RAB33A: variants seen among roughly 807,000 people sequenced by gnomAD.
The protein encoded by RAB33A is ras-related protein Rab-33A.
A neutral mutation model predicts 12.0 loss-of-function variants in RAB33A; 6 were observed. The observed-to-expected ratio is 0.50, with a 90% confidence interval of 0.27 to 0.99. RAB33A has a LOEUF of 0.99. Among genes scored for constraint, RAB33A ranks in the 50% least tolerant of loss-of-function variants. The pLI is 0.11. For missense variants in RAB33A, 109 were observed against 192.0 expected (o/e 0.57, Z 2.55); for synonymous variants, 70 against 82.4 (o/e 0.85, Z 0.81).
At chrX:130,122,429 A>T in the RAB33A span, among the ~76,000 whole-genome samples, 2 of 112,151 alleles carry the variant, frequency 1.8e-5, no homozygotes, top group Non-Finnish European at 3.8e-5. Flanking sequence ...GCCTGTATGC[A>T]CTTTCCTTTT....
the RAB33A span, among the ~76,000 whole-genome samples, chrX:130,121,659 G>A: frequency 8.9e-6 from 1 of 112,633 alleles, no homozygotes; most frequent in South Asian, 3.6e-4. Context: ...GGAGATCTCC[G>A]CGCCCCTGTT....
At chrX:130,138,883 A>G in the RAB33A span, among the ~76,000 whole-genome samples, 3 of 112,019 alleles carry the variant, frequency 2.7e-5, no homozygotes, top group South Asian at 1.1e-3. Context: ...TCCTTCTATA[A>G]ACAGTGGTTC....
At chrX:130,175,043 C>T (rs765629255) in intron 1 of RAB33A, among the ~76,000 whole-genome samples, 39 of 111,312 alleles carry the variant, frequency 3.5e-4, no homozygotes, top group Middle Eastern at 4.7e-3. Flanking sequence ...AAGCAAAGAG[C>T]CCAGGCTAGG....
the RAB33A span, chrX:130,129,415 C>A: frequency 1.9e-6 from 1 of 529,013 alleles, no homozygotes; most frequent in Non-Finnish European, 3.4e-6. Context: ...AAGAATTTAC[C>A]TACATAGTTG....
At chrX:130,129,741 G>C in the RAB33A span, 28 of 813,337 alleles carry the variant, frequency 3.4e-5, 1 homozygote, top group Admixed American at 6.5e-4. Context: ...AGGGAGTTGT[G>C]GGAACAGTTC....
At chrX:130,125,336 G>A in the RAB33A span, among the ~76,000 whole-genome samples, 6,192 of 111,535 alleles carry the variant, frequency 0.056, 209 homozygotes, top group Non-Finnish European at 0.09. Context: ...ACACCCATAC[G>A]TAGAACCAGC....
chrX:130,175,893 C>T (rs2031660169), intron 1 of RAB33A, among the ~76,000 whole-genome samples: 1 of 111,803 alleles, frequency 8.9e-6, no homozygotes, highest in African/African-American at 3.3e-5. Flanking sequence ...CCTCCTCTTG[C>T]AGATAGGAAA....
chrX:130,171,349 G>C (rs1324216832), upstream of RAB33A, among the ~76,000 whole-genome samples: 2 of 112,225 alleles, frequency 1.8e-5, no homozygotes, highest in Admixed American at 9.3e-5. Flanking sequence ...AGCGGGGACC[G>C]GGAAGGCGCG....
At chrX:130,138,810 T>C in the RAB33A span, 1 of 543,044 alleles carries the variant, frequency 1.8e-6, no homozygotes. Context: ...TTTCTCCTTG[T>C]ATAAAGTGAC....
rs2031614130 is a variant in RAB33A, at chrX:130,172,029, A to AG, written c.-28dup. The AG allele has an allele frequency of 1.7e-6, 2 of 1,181,209 alleles. No homozygotes were observed. The highest frequency in any genetic ancestry group is 1.1e-6 in the Non-Finnish European group (1 of 881,977). ...ACGTTCTCTTTGTGTGGAGCCCTCA[A>AG]GGGGGGTTGGGGCCCCGGTTCGGTC... On this transcript the variant is annotated 5_prime_UTR_variant, in exon 1 of 2. Transcript: ENST00000257017.
the RAB33A span, among the ~76,000 whole-genome samples, chrX:130,146,474 TGTGTG>T: frequency 4.6e-5 from 5 of 108,011 alleles, no homozygotes; most frequent in African/African-American, 1.7e-4. Context: ...TGTGTGTGTG[TGTGTG>T]TGTGTGTGTG....
chrX:130,165,941 T>G, the RAB33A span: 3 of 380,843 alleles, frequency 7.9e-6, no homozygotes, highest in Admixed American at 8.3e-5. Flanking sequence ...GGCCGCAAGC[T>G]CGCAAAGACG....
At chrX:130,111,782 C>T in the RAB33A span, among the ~76,000 whole-genome samples, 3 of 112,393 alleles carry the variant, frequency 2.7e-5, no homozygotes, top group Admixed American at 9.4e-5. Context: ...GAAAGCCACT[C>T]AGGCACGCTC....
the RAB33A span, among the ~76,000 whole-genome samples, chrX:130,114,646 C>T: frequency 2.7e-5 from 3 of 112,269 alleles, no homozygotes; most frequent in Admixed American, 9.4e-5. Context: ...CCCCCAGTCT[C>T]CAACCCTGAC....
the RAB33A span, among the ~76,000 whole-genome samples, chrX:130,158,150 G>A: frequency 9.1e-6 from 1 of 109,497 alleles, no homozygotes; most frequent in African/African-American, 3.3e-5. Context: ...TATAATCCCA[G>A]CTACTCGGGA....
chrX:130,162,727 G>A, the RAB33A span, among the ~76,000 whole-genome samples: 1 of 111,631 alleles, frequency 9.0e-6, no homozygotes, highest in Non-Finnish European at 1.9e-5. Context: ...TCCAAATAGA[G>A]AAAAACGTTC....
At chrX:130,119,024 G>A in the RAB33A span, among the ~76,000 whole-genome samples, 16 of 111,555 alleles carry the variant, frequency 1.4e-4, no homozygotes, top group Non-Finnish European at 2.8e-4. Context: ...CTCCCCTCAC[G>A]AAGAGAAGGG....
At chrX:130,164,257 A>G in the RAB33A span, among the ~76,000 whole-genome samples, 507 of 111,926 alleles carry the variant, frequency 4.5e-3, 3 homozygotes, top group African/African-American at 0.016. Flanking sequence ...ACCCTCAAAG[A>G]TGACATCCAT....
At chrX:130,153,194 A>T in the RAB33A span, among the ~76,000 whole-genome samples, 1 of 104,839 alleles carries the variant, frequency 9.5e-6, no homozygotes, top group African/African-American at 3.5e-5. Context: ...AAAAAAAAAA[A>T]AAAAAATTAG....
Sources: gnomAD v4.1 joint callset for allele counts (sites outside exome capture counted in the v4.1 genomes callset) on GRCh38, gnomAD v4.1.1 for gene constraint, MANE v1.5 for transcripts, NCBI Gene and HGNC (gene_info 2026-07-23, HGNC 2026-07-21) for gene names.